The following MICAL2 variants were observed in gnomAD, a reference collection of about 807,000 sequenced individuals.
MICAL2 encodes [F-actin]-monooxygenase MICAL2.
Under a neutral mutation model 127.3 loss-of-function variants are expected in MICAL2, and 77 were observed. That is an observed-to-expected ratio of 0.60 (90% CI 0.50 to 0.73). The LOEUF (loss-of-function observed/expected upper bound fraction) is 0.73, where lower values mean the gene tolerates loss of function less well. Among genes scored for constraint, MICAL2 ranks in the 30% least tolerant of loss-of-function variants. MICAL2 has a pLI of 0.00. For missense variants in MICAL2, 1,351 were observed against 1,434.4 expected, an observed-to-expected ratio of 0.94 and a Z score of 0.94; for synonymous variants, 570 against 551.1, an observed-to-expected ratio of 1.03 and a Z score of -0.48.
intron 27 of MICAL2, 106 bp downstream of exon 27, chr11:12,262,643 T>A (rs1590704610): frequency 1.1e-6 from 1 of 947,846 alleles, no homozygotes; most frequent in East Asian, 2.4e-5. Flanking sequence ...ACTGTGAGTG[T>A]CTTGCATACT....
At chr11:12,150,685 G>C (rs1853477097) in intron 2 of MICAL2, among the ~76,000 whole-genome samples, 1 of 152,108 alleles carries the variant, frequency 6.6e-6, no homozygotes, top group Non-Finnish European at 1.5e-5. Flanking sequence ...CTGGCATCAA[G>C]TCCCAAAGGC....
intron 21 of MICAL2, among the ~76,000 whole-genome samples, chr11:12,246,463 A>T (rs1040334683): frequency 2.0e-5 from 3 of 152,222 alleles, no homozygotes; most frequent in Non-Finnish European, 2.9e-5. Context: ...ACAGCTGGGC[A>T]GGGGGGCCCT....
intron 3 of MICAL2, among the ~76,000 whole-genome samples, chr11:12,194,091 G>A (rs1397772799): frequency 6.6e-6 from 1 of 152,230 alleles, no homozygotes; most frequent in Non-Finnish European, 1.5e-5. Flanking sequence ...CCCCGGCCAT[G>A]GCACCTGCTG....
rs193212886 is a variant in MICAL2, at chr11:12,191,702, G to A, written c.265-12548G>A. ...GGATTGCTTGAGCCTGGGAGGTCAA[G>A]GCTACAGTGAGCCGTGATTGTACCA... On this transcript the variant is annotated intron_variant, in intron 3 of 27. Transcript: ENST00000683283. Among the ~76,000 whole-genome samples the A allele has an allele frequency of 1.6e-4, 25 of 152,294 alleles. No individual in the cohort carries two copies. In the East Asian group the frequency reaches 4.8e-3, roughly 29 times the overall value.
intron 29 of MICAL2, among the ~76,000 whole-genome samples, chr11:12,317,499 A>G (rs2134834150): frequency 6.6e-6 from 1 of 152,336 alleles, no homozygotes; most frequent in South Asian, 2.1e-4. Flanking sequence ...TTTACAAATG[A>G]AAAGTGTACT....
chr11:12,246,583 C>A (rs747632212), intron 21 of MICAL2, among the ~76,000 whole-genome samples: 10 of 152,228 alleles, frequency 6.6e-5, no homozygotes, highest in Admixed American at 1.3e-4. Context: ...TGTGAACATT[C>A]ATTCCTTCAA....
chr11:12,356,122 G>A (rs1007375689), intron 34 of MICAL2, among the ~76,000 whole-genome samples: 5 of 152,026 alleles, frequency 3.3e-5, no homozygotes, highest in Non-Finnish European at 5.9e-5. Flanking sequence ...AAGACTATTT[G>A]CCACCTTTGA....
intron 22 of MICAL2, chr11:12,253,910 T>C (rs1002277614): frequency 6.6e-6 from 1 of 152,196 alleles, no homozygotes; most frequent in African/African-American, 2.4e-5. Flanking sequence ...TGTTGGTGAT[T>C]AACTCAACCT....
At chr11:12,283,270 A>T (rs1645289041) in intron 2 of MICAL2, among the ~76,000 whole-genome samples, 2 of 151,032 alleles carry the variant, frequency 1.3e-5, no homozygotes, top group African/African-American at 4.9e-5. Context: ...AAATGCCTCC[A>T]AGGTAGACCA....
At chr11:12,345,122 A>G (rs1470512987) in intron 32 of MICAL2, among the ~76,000 whole-genome samples, 1 of 151,918 alleles carries the variant, frequency 6.6e-6, no homozygotes, top group African/African-American at 2.4e-5. Context: ...ATCTCAAAAA[A>G]AAAAAGAAAA....
chr11:12,162,500 G>C, intron 3 of MICAL2, 81 bp downstream of exon 3: 1 of 1,525,592 alleles, frequency 6.6e-7, no homozygotes, highest in Non-Finnish European at 8.9e-7. Context: ...TTGCCATTTT[G>C]GCACTCTACG....
At chr11:12,134,106 G>C (rs1851645394) in intron 1 of MICAL2, among the ~76,000 whole-genome samples, 2 of 152,168 alleles carry the variant, frequency 1.3e-5, no homozygotes, top group East Asian at 3.9e-4. Flanking sequence ...TCTTCACCTG[G>C]AAAATGGGTT....
At position 12,262,490 on chromosome 11, in the gene MICAL2, C is replaced by T. The variant is rs747377748; in HGVS notation, c.3345C>T (p.Ser1115=). Reference sequence around the variant, plus strand: ...CGCCATGGCCATCAGTTCATTTCAGCCTTCCAGTGCTACACCCACTTCTTG... The same window carrying T: ...CGCCATGGCCATCAGTTCATTTCAGTCTTCCAGTGCTACACCCACTTCTTG... ...TLEGSPPVHF[S]LPVLHPLLG The change falls in exon 27 of 28, where the codon AGC becomes AGT. Residue 1115 remains serine, a synonymous_variant. Coordinates refer to ENST00000683283, the MANE Select transcript of MICAL2 (RefSeq NM_001282663.2). 1 of 1,613,940 alleles carries T rather than the reference C, an allele frequency of 6.2e-7. No homozygotes were observed. Among genetic ancestry groups the T allele is most frequent in the East Asian group, 2.2e-5 (1 of 44,880 alleles).
At chr11:12,361,297 A>G (rs547892341), downstream of MICAL2, among the ~76,000 whole-genome samples, 3 of 152,292 alleles carry the variant, frequency 2.0e-5, no homozygotes, top group South Asian at 6.2e-4. Flanking sequence ...TATTTATTTA[A>G]CATCCTCTGA....
intron 7 of MICAL2, among the ~76,000 whole-genome samples, chr11:12,215,071 G>T (rs973966439): frequency 6.6e-6 from 1 of 152,180 alleles, no homozygotes; most frequent in Admixed American, 6.5e-5. Context: ...GCCAGCATAT[G>T]GTGTCCTTTT....
chr11:12,177,057 T>C (rs1274746925), intron 3 of MICAL2, among the ~76,000 whole-genome samples: 1 of 152,250 alleles, frequency 6.6e-6, no homozygotes. Context: ...GGTAATTCTA[T>C]TTTTACTTTT....
At chr11:12,193,207 G>C (rs941673678) in intron 3 of MICAL2, among the ~76,000 whole-genome samples, 6 of 152,168 alleles carry the variant, frequency 3.9e-5, no homozygotes, top group Admixed American at 3.3e-4. Flanking sequence ...GAAAGAGAAG[G>C]GGAACACTCT....
At chr11:12,289,574 T>C (rs1414964816), downstream of MICAL2, among the ~76,000 whole-genome samples, 3 of 148,182 alleles carry the variant, frequency 2.0e-5, no homozygotes, top group Non-Finnish European at 3.0e-5. Flanking sequence ...TTGTTTTTTT[T>C]TTTTTTCTTC....
At chr11:12,208,431 C>A in intron 5 of MICAL2, 1 of 285,272 alleles carries the variant, frequency 3.5e-6, no homozygotes, top group South Asian at 4.9e-5. Flanking sequence ...GGACAGAAGA[C>A]ATAGATTTGG....
Sources: allele counts gnomAD v4.1 joint callset (sites outside exome capture counted in the v4.1 genomes callset), GRCh38; gene constraint gnomAD v4.1.1; transcripts MANE v1.5; gene names NCBI Gene and HGNC (gene_info 2026-07-23, HGNC 2026-07-21).